Variants in TRPS1 observed in about 807,000 individuals in gnomAD.
The protein encoded by TRPS1 is transcriptional repressor GATA binding 1.
Under a neutral mutation model 101.2 loss-of-function variants are expected in TRPS1, and 6 were observed. The observed-to-expected ratio is 0.06, with a 90% CI of 0.03 to 0.12. The LOEUF is 0.12. TRPS1 is among the 10% of genes least tolerant of loss of function. The pLI is 1.00. For synonymous variants in TRPS1, 578 were observed against 589.8 expected, an observed-to-expected ratio of 0.98 and a Z score of 0.29; for missense variants, 1,363 against 1,567.0, an observed-to-expected ratio of 0.87 and a Z score of 2.20.
At position 115,512,890 on chromosome 8, in the gene TRPS1, T is replaced by C. The variant is rs183710528; in HGVS notation, c.2700+74111A>G. On this transcript the variant is annotated intron_variant, in intron 5 of 6. Transcript: ENST00000395715. Reference sequence around the variant, plus strand: ...AATTACTATTTCATCTTCAAAAACATTTAACTCCTTTTTCCCAAGTATTGT... The same window carrying C: ...AATTACTATTTCATCTTCAAAAACACTTAACTCCTTTTTCCCAAGTATTGT... 6.1e-4 allele frequency among the ~76,000 whole-genome samples: 92 copies of C among 151,816 alleles called. 1 individual carries two copies. The highest frequency in any genetic ancestry group is 2.7e-3 in the Admixed American group (41 of 15,206).
intron 5 of TRPS1, among the ~76,000 whole-genome samples, chr8:115,505,757 T>C (rs922453452): frequency 6.6e-6 from 1 of 152,154 alleles, no homozygotes; most frequent in Non-Finnish European, 1.5e-5. Flanking sequence ...ATGAGCTTTT[T>C]GTTTACCAAG....
intron 5 of TRPS1, among the ~76,000 whole-genome samples, chr8:115,546,701 T>C (rs1443544337): frequency 6.6e-6 from 1 of 152,184 alleles, no homozygotes; most frequent in East Asian, 1.9e-4. Context: ...TCAAAATATC[T>C]ACTATTATAA....
At chr8:115,620,457 G>A (rs1179228604) in intron 2 of TRPS1, among the ~76,000 whole-genome samples, 1 of 151,432 alleles carries the variant, frequency 6.6e-6, no homozygotes, top group East Asian at 1.9e-4. Flanking sequence ...TATATAACAT[G>A]TACACATGTT....
chr8:115,665,671 T>C (rs1387759395), intron 1 of TRPS1, among the ~76,000 whole-genome samples: 1 of 152,172 alleles, frequency 6.6e-6, no homozygotes, highest in African/African-American at 2.4e-5. Flanking sequence ...ATTTAAAATA[T>C]TAGTCATCGA....
intron 5 of TRPS1, among the ~76,000 whole-genome samples, chr8:115,532,373 G>A (rs373756486): frequency 6.6e-6 from 1 of 152,084 alleles, no homozygotes; most frequent in Non-Finnish European, 1.5e-5. Context: ...GCATATTGCA[G>A]TAAATTAAAA....
intron 1 of TRPS1, among the ~76,000 whole-genome samples, chr8:115,648,408 C>T (rs1811475412): frequency 6.6e-6 from 1 of 152,178 alleles, no homozygotes; most frequent in South Asian, 2.1e-4. Flanking sequence ...GCCCACAGCC[C>T]GGGCGCCGAG....
intron 5 of TRPS1, among the ~76,000 whole-genome samples, chr8:115,535,282 T>G (rs1054517246): frequency 7.0e-6 from 1 of 142,298 alleles, no homozygotes; most frequent in South Asian, 2.3e-4. Flanking sequence ...ATAGCATATA[T>G]AGCATATATA....
At chr8:115,556,225 G>T (rs35936794) in intron 5 of TRPS1, among the ~76,000 whole-genome samples, 5,962 of 152,132 alleles carry the variant, frequency 0.039, 181 homozygotes, top group Middle Eastern at 0.061. Flanking sequence ...TTTTGAAATT[G>T]TCTTTTAAAA....
intron 5 of TRPS1, among the ~76,000 whole-genome samples, chr8:115,562,181 A>T (rs1028752079): frequency 1.3e-5 from 2 of 152,078 alleles, no homozygotes; most frequent in African/African-American, 4.8e-5. Context: ...TTTAAAAAAT[A>T]GACCAATGAT....
rs1026650017 is a variant in TRPS1, at chr8:115,525,107, C to CA, written c.2700+61893dup. On this transcript the variant is annotated intron_variant, in intron 5 of 6. Coordinates refer to ENST00000395715, the MANE Select transcript of TRPS1 (RefSeq NM_014112.5). ...AAGCACCTGATGCATTTTATTTGAACAAAAAAAACTTTCAATTTTACCAGA... is the reference window on the plus strand; with the variant it reads ...AAGCACCTGATGCATTTTATTTGAACAAAAAAAAACTTTCAATTTTACCAGA... Among the ~76,000 whole-genome samples the CA allele has an allele frequency of 4.6e-5, 7 of 151,792 alleles. No individual in the cohort carries two copies. In the East Asian group the frequency reaches 5.8e-4, roughly 13 times the overall value.
At chr8:115,553,535 G>A (rs1217911980) in intron 5 of TRPS1, among the ~76,000 whole-genome samples, 6 of 151,976 alleles carry the variant, frequency 3.9e-5, no homozygotes, top group African/African-American at 9.7e-5. Context: ...GCTGCTTATC[G>A]TTTATGATAA....
chr8:115,610,917 G>A (rs1364210786), intron 3 of TRPS1, among the ~76,000 whole-genome samples: 1 of 152,050 alleles, frequency 6.6e-6, no homozygotes. Context: ...AGGAGTTCGA[G>A]ACCAGCCTGG....
At chr8:115,536,728 GC>G (rs1268490721) in intron 5 of TRPS1, among the ~76,000 whole-genome samples, 62 of 150,882 alleles carry the variant, frequency 4.1e-4, no homozygotes, top group Non-Finnish European at 3.5e-4. Context: ...ACTCAATTAG[GC>G]CCTGCATTTT....
intron 1 of TRPS1, among the ~76,000 whole-genome samples, chr8:115,644,268 T>C (rs1563666268): frequency 6.6e-6 from 1 of 152,242 alleles, no homozygotes; most frequent in African/African-American, 2.4e-5. Flanking sequence ...TGTTGTTTAG[T>C]GTAGCCACTT....
intron 1 of TRPS1, among the ~76,000 whole-genome samples, chr8:115,653,448 T>C (rs767513329): frequency 1.3e-5 from 2 of 152,182 alleles, no homozygotes; most frequent in Non-Finnish European, 1.5e-5. Context: ...TTACGTGGGA[T>C]GATCAGCATA....
chr8:115,462,494 G>A (rs564039845), intron 5 of TRPS1, among the ~76,000 whole-genome samples: 1 of 152,204 alleles, frequency 6.6e-6, no homozygotes, highest in South Asian at 2.1e-4. Context: ...TGCAAATTAA[G>A]CAAATTCATG....
chr8:115,423,872 T>C (rs1813127792), intron 5 of TRPS1, among the ~76,000 whole-genome samples: 1 of 152,202 alleles, frequency 6.6e-6, no homozygotes, highest in Non-Finnish European at 1.5e-5. Flanking sequence ...TATTTTATTT[T>C]ATTATTTGAA....
intron 5 of TRPS1, among the ~76,000 whole-genome samples, chr8:115,459,838 T>C (rs189896395): frequency 3.4e-4 from 52 of 152,332 alleles, no homozygotes; most frequent in African/African-American, 5.3e-4. Flanking sequence ...TGTTGAGTTA[T>C]ACAAATGGAT....
At chr8:115,452,673 C>T (rs1293247435) in intron 5 of TRPS1, among the ~76,000 whole-genome samples, 2 of 152,294 alleles carry the variant, frequency 1.3e-5, no homozygotes, top group East Asian at 3.9e-4. Flanking sequence ...CCAAGTACCG[C>T]AGCCTTGGGA....
Sources: gnomAD v4.1 joint callset for allele counts (sites outside exome capture counted in the v4.1 genomes callset) on GRCh38, gnomAD v4.1.1 for gene constraint, MANE v1.5 for transcripts, NCBI Gene and HGNC (gene_info 2026-07-23, HGNC 2026-07-21) for gene names.